The following KCNJ16 variants were observed in gnomAD, a reference collection of about 807,000 sequenced individuals.
The protein encoded by KCNJ16 is inward rectifier potassium channel 16.
In KCNJ16, 15 loss-of-function variants were observed where a neutral mutation model predicts 18.5. The ratio of observed to expected loss-of-function variants is 0.81; its 90% CI spans 0.54 to 1.25. The LOEUF (loss-of-function observed/expected upper bound fraction) is 1.25, where lower values mean the gene tolerates loss of function less well. KCNJ16 is among the 50% of genes most tolerant of loss of function. The probability of loss-of-function intolerance (pLI) is 0.00; values close to 1 mark genes in which losing one functional copy is unlikely to be tolerated. For synonymous variants in KCNJ16, 174 were observed against 186.5 expected, an observed-to-expected ratio of 0.93 and a Z score of 0.55; for missense variants, 523 against 525.7, an observed-to-expected ratio of 0.99 and a Z score of 0.05.
intron 2 of KCNJ16, chr17:70,108,374 CAGGGA>C (rs1173139147): frequency 6.6e-6 from 1 of 152,138 alleles, no homozygotes; most frequent in East Asian, 1.9e-4. Flanking sequence ...CAGTTGAGGT[CAGGGA>C]AGGTATGTTG....
At chr17:70,083,780 C>T (rs1168216760) in intron 1 of KCNJ16, among the ~76,000 whole-genome samples, 2 of 152,076 alleles carry the variant, frequency 1.3e-5, no homozygotes, top group African/African-American at 4.8e-5. Flanking sequence ...GTCACATATT[C>T]TATGTGAAGC....
At chr17:70,106,738 T>C (rs2072946123) in intron 2 of KCNJ16, among the ~76,000 whole-genome samples, 1 of 152,162 alleles carries the variant, frequency 6.6e-6, no homozygotes, top group South Asian at 2.1e-4. Flanking sequence ...ACCTTGCCTG[T>C]CTGGTAAGCC....
chr17:70,104,388 A>G (rs2072813570), intron 2 of KCNJ16, among the ~76,000 whole-genome samples: 1 of 152,206 alleles, frequency 6.6e-6, no homozygotes, highest in South Asian at 2.1e-4. Context: ...CCTTGGAGTC[A>G]CTACTGAGGT....
chr17:70,098,229 T>C (rs1217520900), intron 1 of KCNJ16, among the ~76,000 whole-genome samples: 2 of 152,106 alleles, frequency 1.3e-5, no homozygotes, highest in African/African-American at 2.4e-5. Context: ...AGGGTGTAAA[T>C]TGCACCCTTG....
chr17:70,076,791 T>C (rs2071332355), intron 1 of KCNJ16, among the ~76,000 whole-genome samples: 3 of 152,170 alleles, frequency 2.0e-5, no homozygotes, highest in East Asian at 1.9e-4. Context: ...AAAAAAAGTA[T>C]AGTTTGAGGC....
Position 70,132,247 on chromosome 17 carries a change from TG to T in KCNJ16, c.164del (p.Gly55GlufsTer21). On this transcript the variant is annotated frameshift_variant, in exon 4 of 4. Coordinates refer to ENST00000392671, the MANE Select transcript of KCNJ16 (RefSeq NM_170741.4). LOFTEE classifies it high-confidence loss of function. ...NVYFKHIFGE[W>X]GSYVVDIFTT... is the part of the protein sequence containing the mutation. ...CTACTTCAAGCACATTTTTGGAGAA[TG>T]GGGAAGCTATGTGGTTGACATCTTC... 6.2e-7 allele frequency: 1 copy of T among 1,614,218 alleles called. No homozygotes were observed. Among genetic ancestry groups the T allele is most frequent in the Non-Finnish European group, 8.5e-7 (1 of 1,180,034 alleles).
At chr17:70,118,588 T>C (rs1298724404) in intron 2 of KCNJ16, among the ~76,000 whole-genome samples, 3 of 151,986 alleles carry the variant, frequency 2.0e-5, no homozygotes, top group Non-Finnish European at 4.4e-5. Flanking sequence ...CATCACATGG[T>C]GAAAGCAGGA....
intron 1 of KCNJ16, among the ~76,000 whole-genome samples, chr17:70,078,355 A>T (rs1450708415): frequency 5.8e-4 from 2 of 3,432 alleles, no homozygotes; most frequent in African/African-American, 1.1e-3. Flanking sequence ...AACTCCGCAT[A>T]AAAAAAAGGT....
intron 2 of KCNJ16, among the ~76,000 whole-genome samples, chr17:70,110,480 G>GCA (rs1337834954): frequency 2.1e-3 from 322 of 151,116 alleles, no homozygotes; most frequent in African/African-American, 7.3e-3. Flanking sequence ...CACTTCGTGC[G>GCA]CGCACACACA....
intron 2 of KCNJ16, chr17:70,101,749 T>A (rs2072632645): frequency 6.6e-6 from 1 of 151,032 alleles, no homozygotes; most frequent in African/African-American, 2.4e-5. Flanking sequence ...CTTGCAGATT[T>A]CTTTAGTGTT....
intron 1 of KCNJ16, among the ~76,000 whole-genome samples, chr17:70,100,314 T>C (rs548046968): frequency 6.6e-6 from 1 of 152,334 alleles, no homozygotes; most frequent in African/African-American, 2.4e-5. Context: ...CTGGATTAGT[T>C]TGATTATTAT....
At chr17:70,098,533 G>C (rs2072483300) in intron 1 of KCNJ16, among the ~76,000 whole-genome samples, 1 of 144,904 alleles carries the variant, frequency 6.9e-6, no homozygotes, top group South Asian at 2.1e-4. Context: ...TTTTCCCTTT[G>C]ATTAAAAAAA....
At chr17:70,105,700 G>A (rs920982596) in intron 2 of KCNJ16, among the ~76,000 whole-genome samples, 5 of 151,934 alleles carry the variant, frequency 3.3e-5, no homozygotes, top group African/African-American at 7.3e-5. Flanking sequence ...CGGGGCTTTC[G>A]AACTTTTAAT....
At chr17:70,105,493 C>T (rs1270359516) in intron 2 of KCNJ16, among the ~76,000 whole-genome samples, 2 of 152,074 alleles carry the variant, frequency 1.3e-5, no homozygotes, top group Non-Finnish European at 1.5e-5. Context: ...TCCACTGTTG[C>T]AAAGTGACAG....
chr17:70,087,600 G>A (rs890437323), intron 1 of KCNJ16, among the ~76,000 whole-genome samples: 21 of 152,048 alleles, frequency 1.4e-4, no homozygotes, highest in African/African-American at 4.8e-4. Flanking sequence ...CCAGCTATTC[G>A]GGAGGTTGAG....
intron 2 of KCNJ16, among the ~76,000 whole-genome samples, chr17:70,113,902 C>G (rs556859879): frequency 2.6e-5 from 4 of 152,180 alleles, no homozygotes; most frequent in Admixed American, 1.3e-4. Flanking sequence ...TCTAAATCTT[C>G]TATTATCTGT....
chr17:70,132,038 A>T lies in KCNJ16; in HGVS notation c.-50A>T, dbSNP rs747837090. 6.2e-7 allele frequency: 1 copy of T among 1,611,560 alleles called. No homozygotes were observed. The highest frequency in any genetic ancestry group is 1.1e-5 in the South Asian group (1 of 90,846). On this transcript the variant is annotated 5_prime_UTR_variant, in exon 4 of 4. Transcript: ENST00000392671. ...AACCAAGAAATAGCAACAAGTCTAG[A>T]ATTCTTACTACTACAAAACTCACCT...
chr17:70,093,037 G>A (rs2072195137), intron 1 of KCNJ16, among the ~76,000 whole-genome samples: 1 of 152,164 alleles, frequency 6.6e-6, no homozygotes, highest in African/African-American at 2.4e-5. Flanking sequence ...CGCCAGTCAA[G>A]CTGACACATA....
intron 1 of KCNJ16, among the ~76,000 whole-genome samples, chr17:70,078,231 C>A (rs1204984540): frequency 6.6e-6 from 1 of 152,144 alleles, no homozygotes; most frequent in African/African-American, 2.4e-5. Flanking sequence ...GTTGCCATGG[C>A]TCCACATTCT....
Sources: gnomAD v4.1 joint callset for allele counts (sites outside exome capture counted in the v4.1 genomes callset) on GRCh38, gnomAD v4.1.1 for gene constraint, MANE v1.5 for transcripts, NCBI Gene and HGNC (gene_info 2026-07-23, HGNC 2026-07-21) for gene names.